The following AMOTL2 variants were observed in gnomAD, a reference collection of about 807,000 sequenced individuals.
AMOTL2 encodes angiomotin like 2.
In AMOTL2, 33 loss-of-function variants were observed where a neutral mutation model predicts 78.4. The ratio of observed to expected loss-of-function variants is 0.42; its 90% CI spans 0.32 to 0.56. The LOEUF (loss-of-function observed/expected upper bound fraction) is 0.56. Ranked by LOEUF, AMOTL2 falls within the 20% of genes least tolerant of loss-of-function variation. AMOTL2 has a pLI of 0.12. For missense variants in AMOTL2, 983 were observed against 1,030.1 expected (o/e 0.95, Z 0.63); for synonymous variants, 422 against 428.8 (o/e 0.98, Z 0.20).
intron 1 of AMOTL2, chr3:134,371,734 G>T: frequency 1.8e-6 from 1 of 560,982 alleles, no homozygotes; most frequent in Admixed American, 3.6e-5. Flanking sequence ...AATTCTGCTT[G>T]ACTCATGGAG....
Position 134,355,819 on chromosome 3 carries a change from A to G in AMOTL2, c.*1886T>C, listed in dbSNP as rs894374106. 1 of 152,664 alleles carries G rather than the reference A, an allele frequency of 6.6e-6. No individual in the cohort carries two copies. The highest frequency in any genetic ancestry group is 2.1e-4 in the South Asian group (1 of 4,826). 9.5% of individuals were successfully genotyped at this position (152,664 alleles called of 1,614,324 possible). Reference sequence around the variant, plus strand: ...TGGACTATGACTTGGGTGGCCCCCCAAAATCCTCACCCTTTCCCTTCCCTC... The same window carrying G: ...TGGACTATGACTTGGGTGGCCCCCCGAAATCCTCACCCTTTCCCTTCCCTC... On this transcript the variant is annotated 3_prime_UTR_variant, in exon 10 of 10. Transcript: ENST00000249883.
Position 134,361,687 on chromosome 3 carries a change from C to A in AMOTL2, c.1400G>T (p.Gly467Val), listed in dbSNP as rs762004210. The A allele has an allele frequency of 6.2e-7, 1 of 1,611,278 alleles. No homozygotes were observed. The highest frequency in any genetic ancestry group is 8.5e-7 in the Non-Finnish European group (1 of 1,179,822). Residue 467 changes from glycine to valine, a missense_variant, in exon 6 of 10, where the codon GGC (glycine) becomes GTC (valine). By Grantham distance (109) the Gly-to-Val change is moderately radical (BLOSUM62 -3). Transcript: ENST00000249883. The stretch of plus-strand genomic sequence containing the variant: ...CTCCTCTTCGGCTCGAGCTGCCCGG[C>A]CCTGCGCATTGCCCAGAGCCTGCTC... ...LLEQALGNAQ[G>V]RAARAEEELR...
intron 1 of AMOTL2, among the ~76,000 whole-genome samples, chr3:134,373,199 C>A (rs1452436875): frequency 6.6e-6 from 1 of 152,076 alleles, no homozygotes; most frequent in Non-Finnish European, 1.5e-5. Context: ...CCAGAGCTAC[C>A]CGAGGCAAAG....
chr3:134,363,441 A>G (rs1338216923), intron 5 of AMOTL2, among the ~76,000 whole-genome samples: 1 of 152,204 alleles, frequency 6.6e-6, no homozygotes, highest in Admixed American at 6.5e-5. Flanking sequence ...CCCCTAGTCC[A>G]CCTGTGCGTT....
In AMOTL2 at chr3:134,355,441, G is replaced by A. The variant is rs1171565952; in HGVS notation, c.*2264C>T. On this transcript the variant is annotated 3_prime_UTR_variant, in exon 10 of 10. Transcript: ENST00000249883. The stretch of plus-strand genomic sequence containing the variant: ...GTCACAGCAAAGGAGGGAGGCGGTG[G>A]CTAAGAACATGCACATTCTTGAATG... 6.6e-6 allele frequency among the ~76,000 whole-genome samples: 1 copy of A among 152,196 alleles called. No homozygotes were observed. Among genetic ancestry groups the A allele is most frequent in the Non-Finnish European group, 1.5e-5 (1 of 68,034 alleles).
At position 134,371,363 on chromosome 3, in the gene AMOTL2, T is replaced by G. The variant is rs1463597548; in HGVS notation, c.71A>C (p.Asn24Thr). ...TAGCAGCGTGCGCGTCTCAGTCAGG[T>G]TGCCGTAGCGCAGCTGCTCCTGGAT... ...RLIQEQLRYG[N>T]LTETRTLLAI... is the part of the protein sequence containing the mutation. Residue 24 changes from asparagine to threonine, a missense_variant, in exon 2 of 10, where the codon AAC becomes ACC. Physicochemically the swap from Asn to Thr is moderately conservative, Grantham distance 65 (BLOSUM62 0). Transcript: ENST00000249883. 6.2e-7 allele frequency: 1 copy of G among 1,610,130 alleles called. No individual in the cohort carries two copies. Among genetic ancestry groups the G allele is most frequent in the Non-Finnish European group, 8.5e-7 (1 of 1,180,002 alleles).
At position 134,359,271 on chromosome 3, in the gene AMOTL2, G is replaced by A; in HGVS notation, c.2104+12C>T. On this transcript the variant is annotated intron_variant, in intron 8 of 9. Transcript: ENST00000249883. ...TACCTCTCAATCTATCCCAGCAGTAGCCTCCTCTTACCTGTAGTCAGCCGA... is the reference window on the plus strand; with the variant it reads ...TACCTCTCAATCTATCCCAGCAGTAACCTCCTCTTACCTGTAGTCAGCCGA... 1.2e-6 allele frequency: 2 copies of A among 1,613,220 alleles called. No homozygotes were observed. The highest frequency in any genetic ancestry group is 1.7e-4 in the Middle Eastern group (1 of 6,058).
intron 7 of AMOTL2, among the ~76,000 whole-genome samples, chr3:134,359,747 T>C (rs2017264985): frequency 6.6e-6 from 1 of 152,182 alleles, no homozygotes; most frequent in African/African-American, 2.4e-5. Context: ...TGGGCCCTTC[T>C]CACACCAGCA....
rs1221288198 is a variant in AMOTL2, at chr3:134,356,175, A to T, written c.*1530T>A. The T allele has an allele frequency of 6.6e-6, 1 of 152,566 alleles. No individual in the cohort carries two copies. The highest frequency in any genetic ancestry group is 1.9e-4 in the East Asian group (1 of 5,192). 9.5% of individuals were successfully genotyped at this position (152,566 alleles called of 1,614,324 possible). A position where few individuals can be genotyped will look rare whatever the true frequency, so the allele number is the denominator to read the frequency against. ...TTTGTAAACAATGCACATGAACCAA[A>T]TGTATTTTTCAGCTTTAAACAGGGG... On this transcript the variant is annotated 3_prime_UTR_variant, in exon 10 of 10. Coordinates refer to ENST00000249883, the MANE Select transcript of AMOTL2 (RefSeq NM_016201.4).
intron 4 of AMOTL2, among the ~76,000 whole-genome samples, 178 bp downstream of exon 4, chr3:134,366,105 C>T (rs79294992): frequency 6.6e-6 from 1 of 152,152 alleles, no homozygotes; most frequent in Non-Finnish European, 1.5e-5. Context: ...GATCCTAGGC[C>T]CAGTACATAG....
intron 5 of AMOTL2, among the ~76,000 whole-genome samples, chr3:134,364,974 T>C (rs1434596613): frequency 6.6e-6 from 1 of 152,130 alleles, no homozygotes; most frequent in African/African-American, 2.4e-5. Flanking sequence ...CCACCCCATG[T>C]ACCTCTTGAA....
chr3:134,359,989 G>C (rs898155976), intron 7 of AMOTL2, 117 bp downstream of exon 7: 15 of 1,123,056 alleles, frequency 1.3e-5, no homozygotes, highest in Non-Finnish European at 1.6e-5. Flanking sequence ...AGAAGCAGGA[G>C]GGACTGCTGA....
Position 134,360,173 on chromosome 3 carries a change from A to G in AMOTL2, c.1816T>C (p.Ser606Pro). The G allele has an allele frequency of 6.2e-7, 1 of 1,613,966 alleles. No individual in the cohort carries two copies. Among genetic ancestry groups the G allele is most frequent in the Admixed American group, 1.7e-5 (1 of 60,000 alleles). Residue 606 changes from serine (S) to proline (P), a missense_variant, in exon 7 of 10, where the codon TCA (serine) becomes CCA (proline). Coordinates refer to ENST00000249883, the MANE Select transcript of AMOTL2 (RefSeq NM_016201.4). ...CCCTCATTGAAGCTGCTGCTGGGTG[A>G]GGGCTGGGGGGAATGTCGGATGAGA... ...TTLIRHSPQPSPSSSFNEGLL... is the reference protein window; with the variant it reads ...TTLIRHSPQPPPSSSFNEGLL...
At chr3:134,365,280 GA>G (rs1372169516) in intron 5 of AMOTL2, among the ~76,000 whole-genome samples, 2 of 152,180 alleles carry the variant, frequency 1.3e-5, no homozygotes, top group African/African-American at 4.8e-5. Context: ...ATTCTTCAAG[GA>G]TGCTTAGACC....
intron 3 of AMOTL2, chr3:134,366,807 C>T (rs1053568512): frequency 1.4e-4 from 25 of 181,958 alleles, no homozygotes; most frequent in East Asian, 6.8e-4. Context: ...AAGTGGGCAC[C>T]GAAAGACTCC....
Position 134,358,724 on chromosome 3 carries a change from A to G in AMOTL2, c.2105-5T>C, listed in dbSNP as rs752581611. ...CCTCTGTGGGTGCTCTGTCTGCTGG[A>G]AAGGTAGGTGGATGGTTATTGCCAT... On this transcript the variant is annotated splice_region_variant and splice_polypyrimidine_tract_variant and intron_variant, in intron 8 of 9. Transcript: ENST00000249883. 4 of 1,613,904 alleles carry G rather than the reference A, an allele frequency of 2.5e-6. No individual in the cohort carries two copies. Among genetic ancestry groups the G allele is most frequent in the African/African-American group, 1.3e-5 (1 of 75,022 alleles).
At chr3:134,358,064 G>C (rs935558238) in intron 9 of AMOTL2, among the ~76,000 whole-genome samples, 10 of 152,180 alleles carry the variant, frequency 6.6e-5, no homozygotes. Context: ...CATGCCTGTG[G>C]TTTTCTGAGA....
chr3:134,365,875 G>T lies in AMOTL2; in HGVS notation c.1221C>A (p.Ser407Arg), dbSNP rs1295951363. Residue 407 changes from serine (S) to arginine (R), a missense_variant, in exon 5 of 10, where the codon AGC (serine) becomes AGA (arginine). Ser to Arg is a moderately radical substitution (Grantham distance 110, BLOSUM62 -1). Transcript: ENST00000249883. ...TGCCGGCCTGGGCCTCCTGTGTCTT[G>T]CTTGCCAGGCGGCGATTTGCAGATT... ...RLESANRRLASKTQEAQAGSQ... is the reference protein window; with the variant it reads ...RLESANRRLARKTQEAQAGSQ... 5 of 1,614,224 alleles carry T rather than the reference G, an allele frequency of 3.1e-6. No homozygotes were observed. The highest frequency in any genetic ancestry group is 4.2e-6 in the Non-Finnish European group (5 of 1,180,036).
chr3:134,359,583 G>A, intron 7 of AMOTL2, 80 bp from the exon 8 acceptor site: 1 of 1,237,190 alleles, frequency 8.1e-7, no homozygotes, highest in Non-Finnish European at 1.1e-6. Context: ...ATAGGAGTTA[G>A]AGGAAAAGCC....
Sources: allele counts gnomAD v4.1 joint callset (sites outside exome capture counted in the v4.1 genomes callset), GRCh38; gene constraint gnomAD v4.1.1; transcripts MANE v1.5; gene names NCBI Gene and HGNC (gene_info 2026-07-23, HGNC 2026-07-21).